The following GLIS3 variants were observed in gnomAD, a reference collection of about 807,000 sequenced individuals.
GLIS3 encodes zinc finger protein GLIS3.
A neutral mutation model predicts 78.6 loss-of-function variants in GLIS3; 53 were observed. The ratio of observed to expected loss-of-function variants is 0.67; its 90% CI spans 0.54 to 0.85. GLIS3 has a LOEUF of 0.85. Ranked by LOEUF, GLIS3 falls within the 40% of genes least tolerant of loss-of-function variation. The probability of loss-of-function intolerance (pLI) is 0.00; values close to 1 mark genes in which losing one functional copy is unlikely to be tolerated. For missense variants in GLIS3, 1,703 were observed against 1,231.1 expected (o/e 1.38, Z -5.74); for synonymous variants, 684 against 509.9 (o/e 1.34, Z -4.60).
chr9:3,987,675 C>T (rs1192713395), intron 4 of GLIS3, among the ~76,000 whole-genome samples: 8 of 139,388 alleles, frequency 5.7e-5, no homozygotes, highest in Non-Finnish European at 9.1e-5. Context: ...CCAGTCTGGG[C>T]GACAAGAGTG....
upstream of GLIS3, among the ~76,000 whole-genome samples, chr9:4,351,027 G>C (rs926869046): frequency 2.6e-5 from 4 of 152,082 alleles, no homozygotes; most frequent in African/African-American, 4.8e-5. Context: ...CTATATACAA[G>C]GCCTTGAAGT....
chr9:4,365,527 GC>G, the GLIS3 span, among the ~76,000 whole-genome samples: 1 of 151,860 alleles, frequency 6.6e-6, no homozygotes, highest in Non-Finnish European at 1.5e-5. Flanking sequence ...CTGCACTCCA[GC>G]CTGGGTGACA....
the GLIS3 span, among the ~76,000 whole-genome samples, chr9:4,403,808 A>G: frequency 2.0e-5 from 3 of 152,158 alleles, no homozygotes; most frequent in African/African-American, 7.2e-5. Flanking sequence ...GAAGGAAAGA[A>G]GGAAGAGAAC....
At chr9:4,253,272 C>G (rs1389541435) in intron 2 of GLIS3, among the ~76,000 whole-genome samples, 1 of 152,252 alleles carries the variant, frequency 6.6e-6, no homozygotes, top group African/African-American at 2.4e-5. Context: ...CTACAAGCCC[C>G]TGACTGGGGC....
chr9:4,206,524 T>C (rs181907143), intron 2 of GLIS3, among the ~76,000 whole-genome samples: 1 of 152,356 alleles, frequency 6.6e-6, no homozygotes, highest in East Asian at 1.9e-4. Context: ...CCACACAGCC[T>C]ATGTGCAGTG....
At chr9:4,419,970 C>T in the GLIS3 span, among the ~76,000 whole-genome samples, 1 of 152,028 alleles carries the variant, frequency 6.6e-6, no homozygotes, top group African/African-American at 2.4e-5. Context: ...AGAATTAAAC[C>T]GTATTACCCA....
At chr9:4,363,952 T>C in the GLIS3 span, among the ~76,000 whole-genome samples, 1 of 152,196 alleles carries the variant, frequency 6.6e-6, no homozygotes, top group Non-Finnish European at 1.5e-5. Flanking sequence ...AGTCCAGTAT[T>C]ACAAAAGAGA....
intron 8 of GLIS3, among the ~76,000 whole-genome samples, chr9:3,873,408 T>C (rs1307818269): frequency 6.6e-6 from 1 of 152,114 alleles, no homozygotes; most frequent in East Asian, 1.9e-4. Flanking sequence ...GCAAGGATGA[T>C]TCAACATATG....
At chr9:4,380,869 T>C in the GLIS3 span, among the ~76,000 whole-genome samples, 2 of 152,186 alleles carry the variant, frequency 1.3e-5, no homozygotes, top group Non-Finnish European at 1.5e-5. Context: ...CAATGTCTTA[T>C]CTCTCAAAAT....
chr9:4,280,589 C>T (rs116197498), intron 2 of GLIS3, among the ~76,000 whole-genome samples: 163 of 152,100 alleles, frequency 1.1e-3, no homozygotes, highest in African/African-American at 3.6e-3. Context: ...ATAAATTCAG[C>T]GTCAAAGAAT....
rs573211038 is a variant in GLIS3 at position 4,299,632 on chromosome 9, T to TGC, written c.-312_-311dup. ...GGAAACCCGGCCCAAGTGCCGTGTG[T>TGC]GCGCGCGCGTCTGCGAGGGCAGCGG... On this transcript the variant is annotated 5_prime_UTR_variant, in exon 1 of 11. The change abolishes the stop of an existing upstream ORF in the 5' untranslated region. Transcript: ENST00000381971. The TGC allele has an allele frequency of 1.3e-5, 2 of 152,740 alleles. No homozygotes were observed. Among genetic ancestry groups the TGC allele is most frequent in the African/African-American group, 2.4e-5 (1 of 41,584 alleles). The allele number at this position is 152,740 out of a possible 1,614,324, so 9.5% of individuals were successfully genotyped here. A position where few individuals can be genotyped will look rare whatever the true frequency, so the allele number is the denominator to read the frequency against.
intron 2 of GLIS3, among the ~76,000 whole-genome samples, chr9:4,203,241 A>G (rs1208082365): frequency 6.6e-6 from 1 of 152,256 alleles, no homozygotes. Flanking sequence ...AGCAGTAGTC[A>G]TCAGATAAAT....
chr9:3,969,867 C>A (rs1391424696), intron 4 of GLIS3, among the ~76,000 whole-genome samples: 1 of 152,176 alleles, frequency 6.6e-6, no homozygotes, highest in Admixed American at 6.5e-5. Context: ...GGCATTTTCA[C>A]AGTATACTTT....
rs543098364 is a variant in GLIS3, at chr9:4,271,335, T to C, written c.388+14703A>G. On this transcript the variant is annotated intron_variant, in intron 2 of 10. Transcript: ENST00000381971. The stretch of plus-strand genomic sequence containing the variant: ...AACAGTAGGCTACCAGTAGTTATGT[T>C]TTGGGGGAATCAGAAGTTACACACA... 3.3e-5 allele frequency among the ~76,000 whole-genome samples: 5 copies of C among 152,212 alleles called. No homozygotes were observed. In the South Asian group the frequency reaches 6.2e-4, roughly 19 times the overall value.
chr9:4,078,977 G>C (rs1564019392), intron 4 of GLIS3, among the ~76,000 whole-genome samples: 1 of 151,500 alleles, frequency 6.6e-6, no homozygotes, highest in East Asian at 1.9e-4. Context: ...CCAGGTCTTT[G>C]GCTGAAAATA....
At chr9:3,956,612 G>A (rs780721439) in intron 4 of GLIS3, among the ~76,000 whole-genome samples, 97 of 152,264 alleles carry the variant, frequency 6.4e-4, no homozygotes, top group Non-Finnish European at 1.3e-3. Context: ...ACCAAAAGAC[G>A]TTGCATGGAG....
At chr9:4,195,164 CA>C (rs1818695421) in intron 2 of GLIS3, among the ~76,000 whole-genome samples, 1 of 152,242 alleles carries the variant, frequency 6.6e-6, no homozygotes, top group Non-Finnish European at 1.5e-5. Context: ...TGCTTGCTCT[CA>C]GCGCCTCCTC....
At chr9:3,980,970 G>T (rs1410288502) in intron 4 of GLIS3, among the ~76,000 whole-genome samples, 1 of 152,116 alleles carries the variant, frequency 6.6e-6, no homozygotes, top group East Asian at 1.9e-4. Flanking sequence ...CTCAGCATGC[G>T]TGCAAGCTCT....
chr9:4,167,564 G>T (rs1323294819), intron 2 of GLIS3, among the ~76,000 whole-genome samples: 3 of 152,114 alleles, frequency 2.0e-5, no homozygotes, highest in Non-Finnish European at 2.9e-5. Flanking sequence ...TACACAACAG[G>T]TGCCCAATAT....
Sources: allele counts gnomAD v4.1 joint callset (sites outside exome capture counted in the v4.1 genomes callset), GRCh38; gene constraint gnomAD v4.1.1; transcripts MANE v1.5; gene names NCBI Gene and HGNC (gene_info 2026-07-23, HGNC 2026-07-21).